The following RREB1 variants were observed in gnomAD, a reference collection of about 807,000 sequenced individuals.
RREB1 encodes the protein ras responsive element binding protein 1, also known as ras-responsive element-binding protein 1.
In RREB1, 27 loss-of-function variants were observed where a neutral mutation model predicts 117.8. That is an observed-to-expected ratio of 0.23 (90% confidence interval 0.17 to 0.32). The LOEUF (loss-of-function observed/expected upper bound fraction) is 0.32, where lower values mean the gene tolerates loss of function less well. Ranked by LOEUF, RREB1 falls within the 10% of genes least tolerant of loss-of-function variation. The pLI, the probability that RREB1 is intolerant of heterozygous loss-of-function variation, is 1.00. For missense variants in RREB1, 2,577 were observed against 2,378.2 expected, an observed-to-expected ratio of 1.08 and a Z score of -1.74; for synonymous variants, 1,298 against 1,026.7, an observed-to-expected ratio of 1.26 and a Z score of -5.05.
chr6:7,189,095 T>C, intron 5 of RREB1, 64 bp from the exon 6 acceptor site: 1 of 1,460,632 alleles, frequency 6.8e-7, no homozygotes. Context: ...GGATCTGCAT[T>C]TCCTAAGAGC....
chr6:7,169,481 A>G (rs1764110096), intron 1 of RREB1, among the ~76,000 whole-genome samples: 1 of 152,226 alleles, frequency 6.6e-6, no homozygotes, highest in African/African-American at 2.4e-5. Context: ...AATGTTTAGG[A>G]AAAGTCTGGC....
At chr6:7,125,333 G>T (rs1245555500) in intron 1 of RREB1, among the ~76,000 whole-genome samples, 1 of 152,224 alleles carries the variant, frequency 6.6e-6, no homozygotes, top group Non-Finnish European at 1.5e-5. Flanking sequence ...TGTTCCCCTT[G>T]GAAAGGTTAG....
chr6:7,153,454 A>G (rs1276564255), intron 1 of RREB1, among the ~76,000 whole-genome samples: 2 of 151,846 alleles, frequency 1.3e-5, no homozygotes, highest in East Asian at 1.9e-4. Context: ...AAATCCTCCA[A>G]TGTATTTACT....
intron 1 of RREB1, among the ~76,000 whole-genome samples, chr6:7,112,447 A>C (rs900455302): frequency 6.6e-6 from 1 of 152,006 alleles, no homozygotes; most frequent in Admixed American, 6.5e-5. Flanking sequence ...TGATAAATGT[A>C]TTTTCTTTCT....
intron 3 of RREB1, 144 bp from the exon 4 acceptor site, chr6:7,181,726 C>T (rs1764804050): frequency 7.0e-6 from 5 of 710,594 alleles, no homozygotes; most frequent in South Asian, 1.6e-5. Context: ...TCACTCTGGG[C>T]GTGAATGTGG....
At chr6:7,162,538 G>T (rs1196935628) in intron 1 of RREB1, among the ~76,000 whole-genome samples, 2 of 152,080 alleles carry the variant, frequency 1.3e-5, no homozygotes, top group Non-Finnish European at 2.9e-5. Context: ...GACATAGGAA[G>T]CCAGGGCTCT....
intron 1 of RREB1, among the ~76,000 whole-genome samples, chr6:7,171,317 G>C (rs576180981): frequency 6.6e-6 from 1 of 152,148 alleles, no homozygotes; most frequent in South Asian, 2.1e-4. Context: ...GGGGAGGAGA[G>C]CACTCCGCCT....
intron 1 of RREB1, chr6:7,139,120 C>G (rs532689612): frequency 2.6e-5 from 4 of 152,154 alleles, no homozygotes; most frequent in Admixed American, 6.5e-5. Context: ...CTGCCTGGTA[C>G]TGGCTGAAAA....
At chr6:7,222,959 CAA>C (rs754520835) in intron 8 of RREB1, among the ~76,000 whole-genome samples, 17 of 152,068 alleles carry the variant, frequency 1.1e-4, no homozygotes, top group Non-Finnish European at 1.3e-4. Context: ...ACAGAAGTCT[CAA>C]AAGTGGAGAG....
intron 11 of RREB1, among the ~76,000 whole-genome samples, chr6:7,244,204 G>A (rs565513935): frequency 1.3e-3 from 195 of 151,818 alleles, no homozygotes; most frequent in Non-Finnish European, 2.1e-3. Flanking sequence ...CAGAGGTTAC[G>A]GTGAGCTGAG....
intron 1 of RREB1, among the ~76,000 whole-genome samples, chr6:7,111,069 A>G (rs1319205551): frequency 1.3e-5 from 2 of 152,232 alleles, no homozygotes; most frequent in African/African-American, 2.4e-5. Context: ...CAGACTCCCA[A>G]GGCCTTATTT....
At chr6:7,167,965 G>C (rs1368529797) in intron 1 of RREB1, among the ~76,000 whole-genome samples, 1 of 151,544 alleles carries the variant, frequency 6.6e-6, no homozygotes, top group Non-Finnish European at 1.5e-5. Flanking sequence ...CAAAATTTAA[G>C]ACTCCCCATG....
At chr6:7,112,943 A>G (rs940608385) in intron 1 of RREB1, among the ~76,000 whole-genome samples, 3 of 151,846 alleles carry the variant, frequency 2.0e-5, no homozygotes, top group Non-Finnish European at 4.4e-5. Flanking sequence ...GGAGGAGGAG[A>G]CTGGGAGCGA....
chr6:7,207,530 G>A (rs1023952167), intron 6 of RREB1, among the ~76,000 whole-genome samples: 1 of 152,194 alleles, frequency 6.6e-6, no homozygotes, highest in Non-Finnish European at 1.5e-5. Context: ...GGTAGGAACT[G>A]AGGGTATAAA....
intron 6 of RREB1, among the ~76,000 whole-genome samples, chr6:7,196,206 GTTTTTTTTTTCGTT>G: frequency 7.7e-6 from 1 of 129,776 alleles, no homozygotes. Flanking sequence ...TTGTTTTTTG[GTTTTTTTTTTCGTT>G]TTTTTTTTTT....
chr6:7,182,194 A>C (rs772299348), intron 4 of RREB1, 112 bp downstream of exon 4: 17 of 1,008,858 alleles, frequency 1.7e-5, no homozygotes, highest in Admixed American at 8.5e-5. Flanking sequence ...AATAAAACGG[A>C]CATACCCAGA....
At chr6:7,123,124 G>C (rs1761748585) in intron 1 of RREB1, among the ~76,000 whole-genome samples, 1 of 152,046 alleles carries the variant, frequency 6.6e-6, no homozygotes, top group Admixed American at 6.6e-5. Flanking sequence ...GGATATGTTA[G>C]ACCATCTGAT....
chr6:7,187,859 A>G (rs1765167753), intron 5 of RREB1, among the ~76,000 whole-genome samples: 1 of 152,208 alleles, frequency 6.6e-6, no homozygotes, highest in Non-Finnish European at 1.5e-5. Flanking sequence ...TTAGGTCAAC[A>G]CAGAATTCCT....
intron 1 of RREB1, among the ~76,000 whole-genome samples, chr6:7,163,530 T>C (rs1445728456): frequency 6.6e-6 from 1 of 152,228 alleles, no homozygotes; most frequent in Non-Finnish European, 1.5e-5. Flanking sequence ...TAGCTGGGAC[T>C]ACAGGCACCC....
Sources: gnomAD v4.1 joint callset for allele counts (sites outside exome capture counted in the v4.1 genomes callset) on GRCh38, gnomAD v4.1.1 for gene constraint, MANE v1.5 for transcripts, NCBI Gene and HGNC (gene_info 2026-07-23, HGNC 2026-07-21) for gene names.